The following MCCC1 variants were observed in gnomAD, a reference collection of about 807,000 sequenced individuals.
The protein encoded by MCCC1 is methylcrotonyl-CoA carboxylase subunit 1.
A neutral mutation model predicts 83.8 loss-of-function variants in MCCC1; 64 were observed. The observed-to-expected ratio is 0.76, with a 90% CI of 0.62 to 0.94. MCCC1 has a LOEUF of 0.94. Among genes scored for constraint, MCCC1 ranks in the 40% least tolerant of loss-of-function variants. The pLI is 0.00. For synonymous variants in MCCC1, 322 were observed against 315.4 expected (o/e 1.02, Z -0.22); for missense variants, 807 against 904.7 (o/e 0.89, Z 1.39).
intron 1 of MCCC1, among the ~76,000 whole-genome samples, chr3:183,104,947 T>A (rs1395609322): frequency 6.6e-6 from 1 of 152,212 alleles, no homozygotes; most frequent in Non-Finnish European, 1.5e-5. Context: ...TTTCTTGGAA[T>A]TCACCTACAG....
chr3:183,112,879 G>C (rs1719522595), intron 1 of MCCC1, among the ~76,000 whole-genome samples: 2 of 151,564 alleles, frequency 1.3e-5, no homozygotes. Flanking sequence ...TTGGAGACCA[G>C]CCTGGCAATG....
intron 1 of MCCC1, 28 bp downstream of exon 1, chr3:183,099,324 C>A: frequency 6.4e-7 from 1 of 1,573,572 alleles, no homozygotes; most frequent in East Asian, 2.3e-5. Flanking sequence ...CCCGCCTCTG[C>A]CCACTGAGCC....
chr3:183,093,566 T>C (rs1718517921), intron 2 of MCCC1, among the ~76,000 whole-genome samples: 1 of 152,180 alleles, frequency 6.6e-6, no homozygotes, highest in Non-Finnish European at 1.5e-5. Context: ...GTACTTCTAA[T>C]ATCACACGTG....
chr3:183,104,270 A>C (rs949654923), upstream of MCCC1, among the ~76,000 whole-genome samples: 1 of 152,144 alleles, frequency 6.6e-6, no homozygotes, highest in African/African-American at 2.4e-5. Flanking sequence ...GCCGAGAGCG[A>C]GCGAGGGCTG....
chr3:183,092,289 G>T, intron 3 of MCCC1, 120 bp downstream of exon 3: 1 of 1,281,684 alleles, frequency 7.8e-7, no homozygotes, highest in Non-Finnish European at 1.1e-6. Context: ...TGAGCAGTTT[G>T]AACTTACCTA....
intron 11 of MCCC1, among the ~76,000 whole-genome samples, chr3:183,040,098 G>GAAAAAAAAAAA (rs57389038): frequency 2.9e-5 from 1 of 34,576 alleles, no homozygotes; most frequent in Non-Finnish European, 5.3e-5. Context: ...CTCCATCTCA[G>GAAAAAAAAAAA]AAAAAAAAAA....
At position 183,064,164 on chromosome 3, in the gene MCCC1, C is replaced by T. The variant is rs1432987773; in HGVS notation, c.762-6742G>A. Reference sequence around the variant, plus strand: ...TAATCTGCCTTGCACTCTTTGCTGACGGCGGTCGGTGATAGGATTAGGCAT... The same window carrying T: ...TAATCTGCCTTGCACTCTTTGCTGATGGCGGTCGGTGATAGGATTAGGCAT... On this transcript the variant is annotated intron_variant, in intron 7 of 18. Transcript: ENST00000265594. The surrounding 1 kb of genome is among the most constrained non-coding windows in gnomAD (Gnocchi z 4.5). Among the ~76,000 whole-genome samples the T allele has an allele frequency of 2.0e-5, 3 of 151,752 alleles. No homozygotes were observed. The highest frequency in any genetic ancestry group is 4.4e-5 in the Non-Finnish European group (3 of 67,814).
chr3:183,113,300 C>G (rs1296944265), intron 1 of MCCC1, among the ~76,000 whole-genome samples: 6 of 148,980 alleles, frequency 4.0e-5, no homozygotes, highest in African/African-American at 1.5e-4. Context: ...TGAAGTAGAA[C>G]AGCAAACTAT....
At chr3:183,052,511 A>G (rs1387529795) in intron 8 of MCCC1, among the ~76,000 whole-genome samples, 1 of 152,212 alleles carries the variant, frequency 6.6e-6, no homozygotes, top group Non-Finnish European at 1.5e-5. Flanking sequence ...CCATTATACA[A>G]AAGTATAGCA....
rs10804888 is a variant in MCCC1, at chr3:183,017,523, C to T, written c.1978-186G>A. ...CAACACAGAGGTCCTTTGTGGTCCACAGATTTGGTATATAAACTTACAGAG... is the reference window on the plus strand; with the variant it reads ...CAACACAGAGGTCCTTTGTGGTCCATAGATTTGGTATATAAACTTACAGAG... On this transcript the variant is annotated intron_variant, in intron 17 of 18. Coordinates refer to ENST00000265594, the MANE Select transcript of MCCC1 (RefSeq NM_020166.5). 560,205 of 605,662 alleles carry T rather than the reference C, an allele frequency of 0.92. 259,784 individuals carry two copies. The highest frequency in any genetic ancestry group is 1 in the East Asian group (35,030 of 35,038). The allele number at this position is 605,662 out of a possible 1,614,324, so 37.5% of individuals were successfully genotyped here.
chr3:183,108,821 G>A (rs1719446585), intron 1 of MCCC1, among the ~76,000 whole-genome samples: 1 of 152,168 alleles, frequency 6.6e-6, no homozygotes. Context: ...AACAGCCCCA[G>A]TAGCCTCTTT....
chr3:183,095,095 A>T (rs553282282), intron 1 of MCCC1, among the ~76,000 whole-genome samples: 3 of 152,124 alleles, frequency 2.0e-5, no homozygotes, highest in Non-Finnish European at 4.4e-5. Context: ...CATCCTGGCT[A>T]ACACGGTGAA....
upstream of MCCC1, chr3:183,116,163 T>A (rs970695236): frequency 5.9e-6 from 1 of 170,880 alleles, no homozygotes; most frequent in Admixed American, 6.5e-5. Context: ...GTGATCTATA[T>A]GCTGCACCTG....
intron 4 of MCCC1, among the ~76,000 whole-genome samples, chr3:183,077,187 T>C (rs1354206780): frequency 6.6e-6 from 1 of 152,242 alleles, no homozygotes; most frequent in Non-Finnish European, 1.5e-5. Context: ...CTATAAATAA[T>C]GCTGCTATGA....
At chr3:183,115,151 C>A (rs1054281023) in intron 1 of MCCC1, among the ~76,000 whole-genome samples, 1 of 152,112 alleles carries the variant, frequency 6.6e-6, no homozygotes, top group African/African-American at 2.4e-5. Context: ...GTATCCTAAG[C>A]CCTCTCATGG....
intron 1 of MCCC1, chr3:183,099,150 G>A (rs1718961046): frequency 1.6e-6 from 1 of 621,988 alleles, no homozygotes; most frequent in Non-Finnish European, 2.8e-6. Context: ...ATGTGCGGAA[G>A]CGGGGAGAAA....
chr3:183,054,188 A>ATTT (rs370883975), intron 8 of MCCC1, among the ~76,000 whole-genome samples: 5 of 122,166 alleles, frequency 4.1e-5, no homozygotes, highest in Admixed American at 8.4e-5. Context: ...AGCCAAGAAA[A>ATTT]TTTTTTTTTT....
chr3:183,096,021 C>T (rs1006491677), intron 1 of MCCC1, among the ~76,000 whole-genome samples: 2 of 152,096 alleles, frequency 1.3e-5, no homozygotes, highest in East Asian at 1.9e-4. Flanking sequence ...AAAAGTATAA[C>T]GTCTATTAAG....
intron 4 of MCCC1, among the ~76,000 whole-genome samples, chr3:183,078,328 T>C (rs1717233089): frequency 6.6e-6 from 1 of 152,188 alleles, no homozygotes; most frequent in Non-Finnish European, 1.5e-5. Flanking sequence ...GCATAATGAG[T>C]TTTGAAACAG....
Sources: gnomAD v4.1 joint callset for allele counts (sites outside exome capture counted in the v4.1 genomes callset) on GRCh38, gnomAD v4.1.1 for gene constraint, Gnocchi (gnomAD v3.1) non-coding constraint, MANE v1.5 for transcripts, NCBI Gene and HGNC (gene_info 2026-07-23, HGNC 2026-07-21) for gene names.